The following PER2 variants were observed in gnomAD, a reference collection of about 807,000 sequenced individuals.
PER2 encodes the protein period circadian regulator 2.
Under a neutral mutation model 121.0 loss-of-function variants are expected in PER2, and 66 were observed. The ratio of observed to expected loss-of-function variants is 0.55; its 90% CI spans 0.45 to 0.67. The LOEUF is 0.67. Ranked by LOEUF, PER2 falls within the 30% of genes least tolerant of loss-of-function variation. PER2 has a pLI of 0.00. For missense variants in PER2, 1,521 were observed against 1,635.0 expected (o/e 0.93, Z 1.20); for synonymous variants, 684 against 659.9 (o/e 1.04, Z -0.56).
rs1467354170 is a variant in PER2 at position 238,277,856 on chromosome 2, T to C, written c.81A>G (p.Pro27=). 4 of 1,614,208 alleles carry C rather than the reference T, an allele frequency of 2.5e-6. No individual in the cohort carries two copies. The South Asian group carries it at 4.4e-5, about 18-fold the overall frequency. Residue 27 remains proline, a synonymous_variant, in exon 2 of 23, where the codon CCA becomes CCG. Transcript: ENST00000254657. ...EPVEPQPSQV[P]LQEDVDMSSG... is the part of the protein sequence containing the mutation. ...TGCTCATGTCCACATCTTCCTGCAG[T>C]GGGACCTGGCTGGGCTGGGGCTCCA...
At chr2:238,293,883 C>A (rs1250274612), upstream of PER2, among the ~76,000 whole-genome samples, 2 of 152,178 alleles carry the variant, frequency 1.3e-5, no homozygotes, top group African/African-American at 4.8e-5. Context: ...GGTCAACTCT[C>A]TGCCTCAGGA....
At chr2:238,267,049 T>TAAAAA (rs57177821) in intron 8 of PER2, among the ~76,000 whole-genome samples, 1 of 104,560 alleles carries the variant, frequency 9.6e-6, no homozygotes. Flanking sequence ...CTCCATCTCT[T>TAAAAA]AAAAAAAAAA....
At chr2:238,247,302 C>T (rs1695474998) in intron 22 of PER2, 2 of 152,262 alleles carry the variant, frequency 1.3e-5, no homozygotes, top group African/African-American at 4.8e-5. Flanking sequence ...TCCAGGCAGC[C>T]CTACGGAGAG....
chr2:238,278,675 G>A (rs1389208851), intron 1 of PER2, among the ~76,000 whole-genome samples: 10 of 152,146 alleles, frequency 6.6e-5, no homozygotes, highest in South Asian at 4.1e-4. Context: ...ATTACAGCAC[G>A]GCACAGTTAC....
chr2:238,262,085 C>A, intron 11 of PER2, 106 bp downstream of exon 11: 7 of 1,162,886 alleles, frequency 6.0e-6, no homozygotes, highest in Non-Finnish European at 9.0e-6. Context: ...AGGTTTCGGT[C>A]TTGGCCTCTC....
chr2:238,286,828 A>C (rs1696803417), intron 1 of PER2, among the ~76,000 whole-genome samples: 1 of 152,240 alleles, frequency 6.6e-6, no homozygotes, highest in East Asian at 1.9e-4. Flanking sequence ...TTTTTGAGAA[A>C]GTTCAGTGGG....
rs1695444584 is a variant in PER2, at chr2:238,246,261, A to C, written c.*114T>G. ...GTTGTTTTTTTTTCTAAAACAAAAAAAGCAACATGAGCATATGTGTCCATT... is the reference window on the plus strand; with the variant it reads ...GTTGTTTTTTTTTCTAAAACAAAAACAGCAACATGAGCATATGTGTCCATT... On this transcript the variant is annotated 3_prime_UTR_variant, in exon 23 of 23. Transcript: ENST00000254657. 1.4e-6 allele frequency: 1 copy of C among 706,528 alleles called. No homozygotes were observed. The highest frequency in any genetic ancestry group is 3.2e-5 in the South Asian group (1 of 31,234). The allele number at this position is 706,528 out of a possible 1,614,324, so 43.8% of individuals were successfully genotyped here.
upstream of PER2, among the ~76,000 whole-genome samples, chr2:238,293,929 C>G (rs1697003504): frequency 6.6e-6 from 1 of 152,078 alleles, no homozygotes; most frequent in African/African-American, 2.4e-5. Context: ...GTTTTCTGGT[C>G]TCAGGCAGCT....
intron 13 of PER2, among the ~76,000 whole-genome samples, chr2:238,260,550 C>A (rs1695895925): frequency 6.6e-6 from 1 of 152,204 alleles, no homozygotes; most frequent in South Asian, 2.1e-4. Context: ...ATCACCGCAC[C>A]CAGCCCACAT....
upstream of PER2, chr2:238,290,226 ACACT>A (rs1024054172): frequency 1.3e-5 from 2 of 152,222 alleles, no homozygotes; most frequent in African/African-American, 4.8e-5. Flanking sequence ...TGCTGTTCAC[ACACT>A]CAGTCAGGTG....
Position 238,255,887 on chromosome 2 carries a change from C to T in PER2, c.2090G>A (p.Gly697Glu). Residue 697 changes from glycine (G) to glutamate (E), a missense_variant, in exon 18 of 23, where the codon GGG (glycine) becomes GAG (glutamate). Physicochemically the swap from Gly to Glu is moderately conservative, Grantham distance 98. Transcript: ENST00000254657. The stretch of plus-strand genomic sequence containing the variant: ...CGCCAGGCAGTCCAGGGATTCTGGC[C>T]CACTCGCAGCATCTTCCACCATCTC... ...ELEMVEDAAS[G>E]PESLDCLAGP... 1 of 1,614,222 alleles carries T rather than the reference C, an allele frequency of 6.2e-7. No individual in the cohort carries two copies. The highest frequency in any genetic ancestry group is 1.7e-5 in the Admixed American group (1 of 60,026).
Position 238,253,563 on chromosome 2 carries a change from C to T in PER2, c.2460G>A (p.Arg820=), listed in dbSNP as rs75156302. ...STGSGGPVSA[R]PPLVGLNATA... is the part of the protein sequence containing the mutation. ...TGGCGTTCAAGCCCACCAGCGGGGGCCGGGCGGACACGGGCCCCCCAGATC... is the reference window on the plus strand; with the variant it reads ...TGGCGTTCAAGCCCACCAGCGGGGGTCGGGCGGACACGGGCCCCCCAGATC... The change falls in exon 19 of 23, where the codon CGG becomes CGA. Residue 820 remains arginine, a synonymous_variant. Coordinates refer to ENST00000254657, the MANE Select transcript of PER2 (RefSeq NM_022817.3). This position sits in a 1 kb window ranked among gnomAD's most constrained non-coding sequence, Gnocchi z 5.6. The T allele has an allele frequency of 1.5e-3, 2,392 of 1,610,516 alleles. 4 individuals are homozygous for T. Among genetic ancestry groups the T allele is most frequent in the Non-Finnish European group, 1.9e-3 (2,217 of 1,178,594 alleles).
At chr2:238,250,486 G>A in intron 21 of PER2, 65 bp downstream of exon 21, 1 of 1,166,764 alleles carries the variant, frequency 8.6e-7, no homozygotes, top group Non-Finnish European at 1.3e-6. Context: ...CCTTGACCTT[G>A]TTGTTTCTGG....
chr2:238,246,267 C>A lies in PER2; in HGVS notation c.*108G>T. 2 of 724,802 alleles carry A rather than the reference C, an allele frequency of 2.8e-6. No homozygotes were observed. The highest frequency in any genetic ancestry group is 3.1e-5 in the South Asian group (1 of 32,184). The allele number at this position is 724,802 out of a possible 1,614,324, so 44.9% of individuals were successfully genotyped here. A position where few individuals can be genotyped will look rare whatever the true frequency, so the allele number is the denominator to read the frequency against. On this transcript the variant is annotated 3_prime_UTR_variant, in exon 23 of 23. Coordinates refer to ENST00000254657, the MANE Select transcript of PER2 (RefSeq NM_022817.3). ...TTTTTTTCTAAAACAAAAAAAGCAA[C>A]ATGAGCATATGTGTCCATTTCAGTG...
rs1696432682 is a variant in PER2 at position 238,275,742 on chromosome 2, C to T, written c.448+1G>A. ...GGAGCAGATGTGCGAGGCCGACGTA[C>T]CTTTCACCTGCTTCACGCTCCTGAG... On this transcript the variant is annotated splice_donor_variant, in intron 4 of 22. Transcript: ENST00000254657. LOFTEE classifies it high-confidence loss of function. 2.5e-6 allele frequency: 4 copies of T among 1,613,838 alleles called. No homozygotes were observed. Among genetic ancestry groups the T allele is most frequent in the Non-Finnish European group, 3.4e-6 (4 of 1,179,932 alleles).
At chr2:238,297,039 AG>A in the PER2 span, among the ~76,000 whole-genome samples, 4 of 152,306 alleles carry the variant, frequency 2.6e-5, no homozygotes, top group Admixed American at 2.0e-4. Context: ...CTGGCCTCAA[AG>A]GAAGAGTCAC....
chr2:238,275,597 C>T lies in PER2; in HGVS notation c.448+146G>A, dbSNP rs112770510. 1.8e-3 allele frequency: 1,514 copies of T among 848,878 alleles called. 20 individuals are homozygous for T. The African/African-American group carries it at 0.019, about 11-fold the overall frequency. 52.6% of individuals were successfully genotyped at this position (848,878 alleles called of 1,614,324 possible). A position where few individuals can be genotyped will look rare whatever the true frequency, so the allele number is the denominator to read the frequency against. The stretch of plus-strand genomic sequence containing the variant: ...CCAGCTACTCAGGAGGCTGTGGCAG[C>T]GGAATCGCTTAAGCCCAGAAGTCAA... On this transcript the variant is annotated intron_variant, in intron 4 of 22. Transcript: ENST00000254657.
chr2:238,255,535 G>A, intron 18 of PER2, 122 bp downstream of exon 18: 1 of 1,030,488 alleles, frequency 9.7e-7, no homozygotes. Flanking sequence ...AGTTCCAACA[G>A]CTGTCTTATA....
At chr2:238,282,399 C>G (rs1424016254) in intron 1 of PER2, among the ~76,000 whole-genome samples, 1 of 152,154 alleles carries the variant, frequency 6.6e-6, no homozygotes, top group Non-Finnish European at 1.5e-5. Flanking sequence ...CCCTCTGGGA[C>G]CTAAGCTCCA....
Sources: gnomAD v4.1 joint callset for allele counts (sites outside exome capture counted in the v4.1 genomes callset) on GRCh38, gnomAD v4.1.1 for gene constraint, Gnocchi (gnomAD v3.1) non-coding constraint, MANE v1.5 for transcripts, NCBI Gene and HGNC (gene_info 2026-07-23, HGNC 2026-07-21) for gene names.